KIF21A: variants seen among roughly 807,000 people sequenced by gnomAD.
KIF21A encodes kinesin-like protein KIF21A.
KIF21A carries 114 observed loss-of-function variants against 202.9 expected under a neutral mutation model. The observed-to-expected ratio is 0.56, with a 90% CI of 0.48 to 0.66. The LOEUF is 0.66. Among genes scored for constraint, KIF21A ranks in the 30% least tolerant of loss-of-function variants. The pLI, the probability that KIF21A is intolerant of heterozygous loss-of-function variation, is 0.00. For synonymous variants in KIF21A, 667 were observed against 670.8 expected (o/e 0.99, Z 0.09); for missense variants, 1,677 against 1,994.9 (o/e 0.84, Z 3.04).
chr12:39,398,866 C>CA lies in KIF21A; in HGVS notation c.45-28606dup, dbSNP rs1404183208. Among the ~76,000 whole-genome samples the CA allele has an allele frequency of 4.0e-5, 6 of 151,776 alleles. No individual in the cohort carries two copies. The East Asian group carries it at 1.2e-3, about 29-fold the overall frequency. On this transcript the variant is annotated intron_variant, in intron 1 of 37. Coordinates refer to ENST00000361418, the MANE Select transcript of KIF21A (RefSeq NM_001173464.2). ...TCTGTGGATTCAACCAACCAAGGAT[C>CA]AAAAATACTCAAAAAAATTAAAAAT... is the stretch of plus-strand genomic sequence containing the variant.
chr12:39,298,115 G>C (rs1942590218), intron 37 of KIF21A, among the ~76,000 whole-genome samples: 1 of 152,050 alleles, frequency 6.6e-6, no homozygotes, highest in African/African-American at 2.4e-5. Flanking sequence ...GGCAGTGCGA[G>C]GCTGTGATCC....
At chr12:39,357,462 G>T (rs1184848799) in intron 8 of KIF21A, 25 bp from the exon 9 acceptor site, 2 of 1,586,228 alleles carry the variant, frequency 1.3e-6, no homozygotes, top group Non-Finnish European at 8.7e-7. Flanking sequence ...TAATGTCCTT[G>T]TTGGTTGAGG....
At chr12:39,376,797 T>C (rs1368717257) in intron 1 of KIF21A, among the ~76,000 whole-genome samples, 2 of 152,154 alleles carry the variant, frequency 1.3e-5, no homozygotes, top group Non-Finnish European at 2.9e-5. Flanking sequence ...CTCCTACCCC[T>C]TCTATTCCTC....
At chr12:39,327,592 A>T (rs913330104) in intron 24 of KIF21A, among the ~76,000 whole-genome samples, 5 of 152,206 alleles carry the variant, frequency 3.3e-5, no homozygotes, top group Non-Finnish European at 7.3e-5. Context: ...GTTAAACATC[A>T]TGCAAGTGCT....
intron 17 of KIF21A, among the ~76,000 whole-genome samples, 195 bp downstream of exon 17, chr12:39,336,901 T>C (rs139706253): frequency 1.6e-4 from 24 of 152,248 alleles, no homozygotes; most frequent in African/African-American, 5.8e-4. Context: ...TATTACAGTG[T>C]TTTTTATGAA....
chr12:39,402,581 TAA>T (rs1410064608), intron 1 of KIF21A, among the ~76,000 whole-genome samples: 45 of 152,084 alleles, frequency 3.0e-4, no homozygotes, highest in Non-Finnish European at 1.5e-5. Context: ...AATAATAAAA[TAA>T]GAGGAGCCCC....
intron 31 of KIF21A, among the ~76,000 whole-genome samples, chr12:39,314,986 T>C (rs761804687): frequency 7.2e-5 from 11 of 151,928 alleles, no homozygotes; most frequent in Admixed American, 2.0e-4. Context: ...CTACCAAAGA[T>C]AATAGAAACT....
At chr12:39,441,670 A>AAAAAAAAAAAAAAAAAAAC (rs1161752823) in intron 1 of KIF21A, among the ~76,000 whole-genome samples, 1 of 146,932 alleles carries the variant, frequency 6.8e-6, no homozygotes, top group African/African-American at 2.5e-5. Flanking sequence ...TAAAAAAAAA[A>AAAAAAAAAAAAAAAAAAAC]AAAAAAAAAA....
At position 39,367,175 on chromosome 12, in the gene KIF21A, G is replaced by A. The variant is rs774195377; in HGVS notation, c.601-11C>T. On this transcript the variant is annotated splice_polypyrimidine_tract_variant and intron_variant, in intron 4 of 37. Transcript: ENST00000361418. ...CAAACACTGCATCATCTGAAAAAGG[G>A]GAAGAAACAAGGACTTTACTTGAAC... 3.7e-6 allele frequency: 6 copies of A among 1,613,696 alleles called. No homozygotes were observed. The highest frequency in any genetic ancestry group is 2.2e-5 in the East Asian group (1 of 44,850).
chr12:39,376,341 T>A (rs1950269953), intron 1 of KIF21A, among the ~76,000 whole-genome samples: 1 of 152,160 alleles, frequency 6.6e-6, no homozygotes, highest in South Asian at 2.1e-4. Context: ...ATCATCCTTC[T>A]ACTTTTATCA....
intron 1 of KIF21A, among the ~76,000 whole-genome samples, chr12:39,407,982 A>G (rs112162759): frequency 4.0e-4 from 61 of 152,236 alleles, no homozygotes; most frequent in African/African-American, 1.3e-3. Flanking sequence ...AAACGTGACA[A>G]ATAGTCAAGA....
intron 1 of KIF21A, among the ~76,000 whole-genome samples, chr12:39,438,934 A>G (rs775973576): frequency 6.6e-6 from 1 of 152,198 alleles, no homozygotes; most frequent in South Asian, 2.1e-4. Context: ...TACTTAGATA[A>G]TAAGAATAGA....
At chr12:39,429,684 C>T (rs771556564) in intron 1 of KIF21A, among the ~76,000 whole-genome samples, 1 of 152,000 alleles carries the variant, frequency 6.6e-6, no homozygotes, top group African/African-American at 2.4e-5. Context: ...AAGAAACCAA[C>T]CAAGATGAAA....
intron 1 of KIF21A, among the ~76,000 whole-genome samples, chr12:39,434,541 G>A (rs748310042): frequency 3.3e-5 from 5 of 152,108 alleles, no homozygotes; most frequent in Admixed American, 3.3e-4. Flanking sequence ...TCAAATCCAG[G>A]GGAGAATTAC....
At position 39,442,997 on chromosome 12, in the gene KIF21A, T is replaced by C. The variant is rs1402626541; in HGVS notation, c.-27A>G. On this transcript the variant is annotated 5_prime_UTR_variant, in exon 1 of 38. Coordinates refer to ENST00000361418, the MANE Select transcript of KIF21A (RefSeq NM_001173464.2). This position sits in a 1 kb window ranked among gnomAD's most constrained non-coding sequence, Gnocchi z 5.0. ...CTGGCGGCGGGCAGCGATCGAGCCG[T>C]TGGGCCTCGGCACCGCAGAGCTGAG... The C allele has an allele frequency of 2.3e-5, 35 of 1,517,044 alleles. No homozygotes were observed. Among genetic ancestry groups the C allele is most frequent in the South Asian group, 4.9e-5 (4 of 82,098 alleles). The allele number at this position is 1,517,044 out of a possible 1,614,324, so 94.0% of individuals were successfully genotyped here.
At chr12:39,345,264 A>G (rs1947797202) in intron 12 of KIF21A, among the ~76,000 whole-genome samples, 1 of 152,186 alleles carries the variant, frequency 6.6e-6, no homozygotes, top group Non-Finnish European at 1.5e-5. Flanking sequence ...ATGCTTCCAC[A>G]CACAACTTTA....
chr12:39,349,234 G>A (rs1050613360), intron 11 of KIF21A, among the ~76,000 whole-genome samples: 1 of 152,020 alleles, frequency 6.6e-6, no homozygotes, highest in Non-Finnish European at 1.5e-5. Context: ...GCTCCCTTCT[G>A]AATTATTCTT....
intron 11 of KIF21A, among the ~76,000 whole-genome samples, chr12:39,349,975 C>G (rs1336180762): frequency 6.6e-6 from 1 of 151,906 alleles, no homozygotes; most frequent in African/African-American, 2.4e-5. Flanking sequence ...TGAAAATGCT[C>G]TTAAAAATGT....
At chr12:39,363,362 G>A (rs1229882834) in intron 6 of KIF21A, 149 bp from the exon 7 acceptor site, 7 of 586,540 alleles carry the variant, frequency 1.2e-5, no homozygotes, top group Non-Finnish European at 1.8e-5. Context: ...TGTAACCAAT[G>A]TCACTGAAAA....
Sources: gnomAD v4.1 joint callset for allele counts (sites outside exome capture counted in the v4.1 genomes callset) on GRCh38, gnomAD v4.1.1 for gene constraint, Gnocchi (gnomAD v3.1) non-coding constraint, MANE v1.5 for transcripts, NCBI Gene and HGNC (gene_info 2026-07-23, HGNC 2026-07-21) for gene names.